Variants in RGS7 observed in about 807,000 individuals in gnomAD.
RGS7 encodes regulator of G protein signaling 7.
In RGS7, 27 loss-of-function variants were observed where a neutral mutation model predicts 81.1. That is an observed-to-expected ratio of 0.33 (90% CI 0.25 to 0.46). The LOEUF (loss-of-function observed/expected upper bound fraction) is 0.46, where lower values mean the gene tolerates loss of function less well. Among genes scored for constraint, RGS7 ranks in the 20% least tolerant of loss-of-function variants. The pLI, the probability that RGS7 is intolerant of heterozygous loss-of-function variation, is 1.00. For missense variants in RGS7, 396 were observed against 607.4 expected (o/e 0.65, Z 3.66); for synonymous variants, 208 against 207.7 (o/e 1.00, Z -0.01).
At chr1:240,943,045 G>A (rs370075565) in intron 4 of RGS7, among the ~76,000 whole-genome samples, 41 of 152,038 alleles carry the variant, frequency 2.7e-4, no homozygotes, top group African/African-American at 9.4e-4. Flanking sequence ...ATCAAGTGCC[G>A]CTTTCTCAAC....
Position 241,175,746 on chromosome 1 carries a change from G to A in RGS7, c.79-76984C>T, listed in dbSNP as rs146136902. On this transcript the variant is annotated intron_variant, in intron 2 of 18. Transcript: ENST00000440928. The stretch of plus-strand genomic sequence containing the variant: ...AAACCTGGAAAAATCAGATGTCTAC[G>A]AAGACTGAACTTTATTTAGCGATGG... 4.8e-3 allele frequency among the ~76,000 whole-genome samples: 738 copies of A among 152,262 alleles called. 3 individuals carry two copies. Among genetic ancestry groups the A allele is most frequent in the Non-Finnish European group, 7.0e-3 (474 of 68,024 alleles).
At chr1:241,154,185 TA>T (rs2068951872) in intron 2 of RGS7, among the ~76,000 whole-genome samples, 1 of 151,976 alleles carries the variant, frequency 6.6e-6, no homozygotes. Context: ...TGAATGAAAA[TA>T]AGGGAGGGTA....
At chr1:241,129,438 C>T (rs1040798609) in intron 2 of RGS7, among the ~76,000 whole-genome samples, 1 of 134,388 alleles carries the variant, frequency 7.4e-6, no homozygotes, top group African/African-American at 4.0e-5. Context: ...TTCCCAGCCA[C>T]GACATTATCA....
intron 2 of RGS7, among the ~76,000 whole-genome samples, chr1:241,283,701 G>A (rs1403635668): frequency 6.6e-6 from 1 of 152,052 alleles, no homozygotes; most frequent in Non-Finnish European, 1.5e-5. Flanking sequence ...TTATTTCTTT[G>A]AGTGTTTTTC....
At chr1:241,064,183 CAAA>C (rs140883852) in intron 3 of RGS7, among the ~76,000 whole-genome samples, 127 of 78,176 alleles carry the variant, frequency 1.6e-3, no homozygotes, top group African/African-American at 5.6e-3. Flanking sequence ...AACTCAGTTT[CAAA>C]AAAAAAAAAA....
intron 6 of RGS7, among the ~76,000 whole-genome samples, chr1:240,910,614 A>G (rs959513612): frequency 1.3e-5 from 2 of 152,232 alleles, no homozygotes; most frequent in African/African-American, 2.4e-5. Context: ...AAGAAATAAT[A>G]GTGTTTGAGA....
intron 3 of RGS7, among the ~76,000 whole-genome samples, chr1:241,089,972 C>A (rs368991092): frequency 8.0e-6 from 1 of 125,272 alleles, no homozygotes; most frequent in Non-Finnish European, 1.6e-5. Context: ...CCAGCCTGGG[C>A]GGCAGAGTGA....
intron 6 of RGS7, among the ~76,000 whole-genome samples, chr1:240,898,872 T>C (rs1350568881): frequency 1.3e-5 from 2 of 152,204 alleles, no homozygotes; most frequent in African/African-American, 2.4e-5. Context: ...TGTCTAATGT[T>C]GACAGTGGGA....
At chr1:240,821,146 C>T (rs1428920317) in intron 10 of RGS7, among the ~76,000 whole-genome samples, 2 of 152,110 alleles carry the variant, frequency 1.3e-5, no homozygotes, top group Non-Finnish European at 2.9e-5. Flanking sequence ...AGGTTTCAGA[C>T]CATGAATCAG....
chr1:240,812,468 CTT>C (rs1267749138), intron 13 of RGS7, among the ~76,000 whole-genome samples: 5 of 146,112 alleles, frequency 3.4e-5, no homozygotes, highest in African/African-American at 1.3e-4. Flanking sequence ...GAGTTTTGCT[CTT>C]GTCACCCAGG....
In RGS7 at chr1:240,868,671, G is replaced by A; in HGVS notation, c.528-3C>T. 10 of 1,613,856 alleles carry A rather than the reference G, an allele frequency of 6.2e-6. No individual in the cohort carries two copies. The highest frequency in any genetic ancestry group is 8.5e-6 in the Non-Finnish European group (10 of 1,179,800). Reference sequence around the variant, plus strand: ...TCTTGTCTCTCTTCTTGTCCACTCTGTCAACACAGTAACAATAGATAACAT... The same window carrying A: ...TCTTGTCTCTCTTCTTGTCCACTCTATCAACACAGTAACAATAGATAACAT... On this transcript the variant is annotated splice_polypyrimidine_tract_variant and splice_region_variant and intron_variant, in intron 8 of 18. Coordinates refer to ENST00000440928, the MANE Select transcript of RGS7 (RefSeq NM_001364886.1). This position sits in a 1 kb window ranked among gnomAD's most constrained non-coding sequence, Gnocchi z 5.1.
At chr1:241,125,405 AC>A (rs899889764) in intron 2 of RGS7, among the ~76,000 whole-genome samples, 39 of 149,326 alleles carry the variant, frequency 2.6e-4, no homozygotes, top group African/African-American at 9.6e-4. Flanking sequence ...TCATCTAGAT[AC>A]CCGACATGCA....
At chr1:240,937,151 T>C (rs1173312645) in intron 4 of RGS7, among the ~76,000 whole-genome samples, 1 of 152,086 alleles carries the variant, frequency 6.6e-6, no homozygotes, top group African/African-American at 2.4e-5. Context: ...TCGGGTCAGT[T>C]TAGATTGTGT....
At chr1:241,296,541 C>G (rs73123939) in intron 2 of RGS7, among the ~76,000 whole-genome samples, 1 of 152,222 alleles carries the variant, frequency 6.6e-6, no homozygotes, top group Admixed American at 6.5e-5. Flanking sequence ...TTTAAAAACA[C>G]ATCTGGAGTC....
intron 6 of RGS7, among the ~76,000 whole-genome samples, chr1:240,892,065 T>C (rs1668369140): frequency 6.6e-6 from 1 of 152,204 alleles, no homozygotes; most frequent in African/African-American, 2.4e-5. Flanking sequence ...TGGTAGTTTA[T>C]GGTTTTTATT....
chr1:240,907,731 G>A (rs776973704), intron 6 of RGS7, among the ~76,000 whole-genome samples: 24 of 152,126 alleles, frequency 1.6e-4, no homozygotes, highest in Non-Finnish European at 3.1e-4. Context: ...ATCTTATCCC[G>A]TAATAAGTGA....
intron 3 of RGS7, among the ~76,000 whole-genome samples, chr1:241,095,445 T>C (rs573330623): frequency 1.3e-3 from 196 of 152,226 alleles, no homozygotes; most frequent in Non-Finnish European, 2.2e-3. Context: ...AATTTGAGAC[T>C]AGCCTAGGCA....
chr1:241,306,730 TA>T (rs1394068176), intron 2 of RGS7, among the ~76,000 whole-genome samples: 1 of 150,936 alleles, frequency 6.6e-6, no homozygotes, highest in African/African-American at 2.4e-5. Flanking sequence ...CTCACACACT[TA>T]TGCACACGTC....
At chr1:240,777,168 A>C (rs540931002) in intron 18 of RGS7, among the ~76,000 whole-genome samples, 42 of 152,122 alleles carry the variant, frequency 2.8e-4, no homozygotes, top group East Asian at 2.3e-3. Context: ...GGTGGCGGGC[A>C]CCTGTAATCC....
Sources: allele counts gnomAD v4.1 joint callset (sites outside exome capture counted in the v4.1 genomes callset), GRCh38; gene constraint gnomAD v4.1.1; non-coding constraint Gnocchi (gnomAD v3.1); transcripts MANE v1.5; gene names NCBI Gene and HGNC (gene_info 2026-07-23, HGNC 2026-07-21).